CUL2: variants seen among roughly 807,000 people sequenced by gnomAD.
CUL2 encodes cullin-2.
In CUL2, 22 loss-of-function variants were observed where a neutral mutation model predicts 110.2. The ratio of observed to expected loss-of-function variants is 0.20; its 90% CI spans 0.14 to 0.28. CUL2 has a LOEUF of 0.28. Among genes scored for constraint, CUL2 ranks in the 10% least tolerant of loss-of-function variants. The probability of loss-of-function intolerance (pLI) is 1.00; values close to 1 mark genes in which losing one functional copy is unlikely to be tolerated. For synonymous variants in CUL2, 279 were observed against 293.2 expected (o/e 0.95, Z 0.49); for missense variants, 631 against 905.5 (o/e 0.70, Z 3.89).
chr10:35,054,018 CA>C (rs2086180150), intron 5 of CUL2, among the ~76,000 whole-genome samples: 2 of 152,146 alleles, frequency 1.3e-5, no homozygotes, highest in Non-Finnish European at 2.9e-5. Flanking sequence ...CCAAACTGCC[CA>C]TTTAATTGTT....
At position 35,009,127 on chromosome 10, in the gene CUL2, T is replaced by C. The variant is rs1214574166; in HGVS notation, c.*1184A>G. ...AGGGGTGTGGTGGTGGTGGTGATGG[T>C]GTGGATAGACAATAAATATGATAAT... On this transcript the variant is annotated 3_prime_UTR_variant, in exon 21 of 21. Coordinates refer to ENST00000374749, the MANE Select transcript of CUL2 (RefSeq NM_003591.4). 6.7e-6 allele frequency: 1 copy of C among 148,858 alleles called. No individual in the cohort carries two copies. Among genetic ancestry groups the C allele is most frequent in the Non-Finnish European group, 1.5e-5 (1 of 67,332 alleles). 9.2% of individuals were successfully genotyped at this position (148,858 alleles called of 1,614,324 possible). A position where few individuals can be genotyped will look rare whatever the true frequency, so the allele number is the denominator to read the frequency against.
In CUL2 at chr10:35,054,490, G is replaced by A. The variant is rs748930790; in HGVS notation, c.367C>T (p.Leu123Phe). The A allele has an allele frequency of 5.0e-6, 8 of 1,594,818 alleles. No homozygotes were observed. The highest frequency in any genetic ancestry group is 6.8e-6 in the Non-Finnish European group (8 of 1,171,984). The change falls in exon 5 of 21, where the codon CTT (leucine) becomes TTT (phenylalanine). Residue 123 changes from leucine (L) to phenylalanine (F), a missense_variant. Physicochemically the swap from Leu to Phe is conservative, Grantham distance 22. Transcript: ENST00000374749. ...IKKNKLTEADLQYGYGGVDMN... is the reference protein window; with the variant it reads ...IKKNKLTEADFQYGYGGVDMN... ...TCTACACCACCATAGCCATACTGAAGGTCCGCTTCTGTTAATTTATTCTTT... is the reference window on the plus strand; with the variant it reads ...TCTACACCACCATAGCCATACTGAAAGTCCGCTTCTGTTAATTTATTCTTT...
intron 17 of CUL2, among the ~76,000 whole-genome samples, chr10:35,021,489 CTATA>C (rs1439877116): frequency 6.6e-6 from 1 of 151,016 alleles, no homozygotes; most frequent in African/African-American, 2.4e-5. Context: ...AGTGATAAAA[CTATA>C]TAGATGATAT....
At chr10:35,083,726 A>G (rs1589048861) in intron 1 of CUL2, among the ~76,000 whole-genome samples, 1 of 152,236 alleles carries the variant, frequency 6.6e-6, no homozygotes, top group African/African-American at 2.4e-5. Flanking sequence ...TAGGCGGGTC[A>G]CAGTGACTCA....
intron 2 of CUL2, among the ~76,000 whole-genome samples, chr10:35,100,376 T>C (rs1289857419): frequency 2.0e-5 from 3 of 152,200 alleles, no homozygotes; most frequent in South Asian, 4.1e-4. Flanking sequence ...TACATCCTCA[T>C]CACATTTCTC....
chr10:35,048,055 T>C (rs557215781), intron 6 of CUL2, among the ~76,000 whole-genome samples: 1 of 152,322 alleles, frequency 6.6e-6, no homozygotes, highest in East Asian at 1.9e-4. Context: ...AAGGATGTCA[T>C]GCATGTAAAA....
At chr10:35,072,007 A>C (rs994058602) in intron 1 of CUL2, among the ~76,000 whole-genome samples, 81 of 152,320 alleles carry the variant, frequency 5.3e-4, no homozygotes, top group African/African-American at 1.8e-3. Flanking sequence ...ATAATGCAGG[A>C]CATTCAACCG....
chr10:35,012,239 C>T (rs1220859068), intron 19 of CUL2, among the ~76,000 whole-genome samples: 1 of 151,684 alleles, frequency 6.6e-6, no homozygotes, highest in Admixed American at 6.6e-5. Flanking sequence ...TTATGTTGTG[C>T]CAATATCACA....
At chr10:35,041,408 TAA>T (rs1389325117) in intron 8 of CUL2, among the ~76,000 whole-genome samples, 2 of 152,116 alleles carry the variant, frequency 1.3e-5, no homozygotes. Flanking sequence ...GCCAAAGCTA[TAA>T]GAGGAACGCA....
At chr10:35,106,984 T>TTTG (rs1564755317) in intron 1 of CUL2, among the ~76,000 whole-genome samples, 5 of 151,624 alleles carry the variant, frequency 3.3e-5, no homozygotes, top group Admixed American at 6.6e-5. Context: ...TTGTTTGTTT[T>TTTG]TTTGTTTTGA....
chr10:35,028,767 T>C (rs759795914), intron 16 of CUL2, 43 bp downstream of exon 16: 4 of 1,283,050 alleles, frequency 3.1e-6, no homozygotes, highest in South Asian at 2.5e-5. Context: ...AAGACAATTA[T>C]TAAAATTCCT....
intron 1 of CUL2, among the ~76,000 whole-genome samples, chr10:35,126,295 A>T (rs1002413216): frequency 6.6e-6 from 1 of 152,238 alleles, no homozygotes; most frequent in Non-Finnish European, 1.5e-5. Context: ...ACTGCAATAA[A>T]TGACCCTAAG....
At chr10:35,024,889 AT>A (rs772063222) in intron 17 of CUL2, among the ~76,000 whole-genome samples, 2 of 152,206 alleles carry the variant, frequency 1.3e-5, no homozygotes, top group Non-Finnish European at 2.9e-5. Flanking sequence ...GGCTAGAGAA[AT>A]GTAATAAATC....
At chr10:35,087,741 G>T (rs1333740734) in intron 1 of CUL2, among the ~76,000 whole-genome samples, 2 of 152,098 alleles carry the variant, frequency 1.3e-5, no homozygotes, top group Admixed American at 6.6e-5. Flanking sequence ...ATCTCAAAAC[G>T]TTTTCACTTG....
At chr10:35,064,434 A>G (rs1018698716) in intron 2 of CUL2, among the ~76,000 whole-genome samples, 3 of 152,206 alleles carry the variant, frequency 2.0e-5, no homozygotes, top group Admixed American at 6.5e-5. Flanking sequence ...ATTTATTTTT[A>G]TACAGTAAAA....
rs550906728 is a variant in CUL2 at position 35,014,914 on chromosome 10, T to C, written c.1888-1114A>G. On this transcript the variant is annotated intron_variant, in intron 18 of 20. Transcript: ENST00000374749. ...TTTGTCAATTTCTGGGCAGCAAAAA[T>C]AGCATGTTTTAGAAAAAAATATAAA... Among the ~76,000 whole-genome samples the C allele has an allele frequency of 7.4e-4, 113 of 152,208 alleles. 1 individual carries two copies. Among genetic ancestry groups the C allele is most frequent in the Middle Eastern group, 3.4e-3 (1 of 294 alleles).
At chr10:35,022,076 CG>C (rs10714792) in intron 17 of CUL2, among the ~76,000 whole-genome samples, 44,304 of 151,796 alleles carry the variant, frequency 0.29, 6,948 homozygotes, top group South Asian at 0.35. Context: ...TAACTATGTA[CG>C]TATGTCTGTC....
At chr10:35,011,463 C>A (rs911636092) in intron 20 of CUL2, among the ~76,000 whole-genome samples, 1 of 152,072 alleles carries the variant, frequency 6.6e-6, no homozygotes, top group African/African-American at 2.4e-5. Context: ...ACGAAAAATA[C>A]AAAAATTAGC....
intron 18 of CUL2, 134 bp from the exon 19 acceptor site, chr10:35,013,934 C>A (rs1372044960): frequency 5.4e-6 from 3 of 560,634 alleles, no homozygotes; most frequent in South Asian, 5.4e-5. Flanking sequence ...TTATAGATTA[C>A]CAAATTTAAG....
Sources: allele counts gnomAD v4.1 joint callset (sites outside exome capture counted in the v4.1 genomes callset), GRCh38; gene constraint gnomAD v4.1.1; transcripts MANE v1.5; gene names NCBI Gene and HGNC (gene_info 2026-07-23, HGNC 2026-07-21).